TAF3: variants seen among roughly 807,000 people sequenced by gnomAD.
The protein encoded by TAF3 is transcription initiation factor TFIID subunit 3.
Under a neutral mutation model 80.6 loss-of-function variants are expected in TAF3, and 7 were observed. The ratio of observed to expected loss-of-function variants is 0.09; its 90% CI spans 0.05 to 0.16. The LOEUF is 0.16. Ranked by LOEUF, TAF3 falls within the 10% of genes least tolerant of loss-of-function variation. The pLI, the probability that TAF3 is intolerant of heterozygous loss-of-function variation, is 1.00. For missense variants in TAF3, 921 were observed against 1,140.2 expected, an observed-to-expected ratio of 0.81 and a Z score of 2.77; for synonymous variants, 444 against 446.1, an observed-to-expected ratio of 1.00 and a Z score of 0.06.
At chr10:7,834,977 A>G (rs1230752772) in intron 2 of TAF3, among the ~76,000 whole-genome samples, 4 of 152,192 alleles carry the variant, frequency 2.6e-5, no homozygotes, top group African/African-American at 7.2e-5. Context: ...TCATTTCAAG[A>G]TAGAACATTA....
chr10:7,991,177 A>G (rs1209827282), intron 4 of TAF3, among the ~76,000 whole-genome samples: 1 of 152,116 alleles, frequency 6.6e-6, no homozygotes, highest in African/African-American at 2.4e-5. Flanking sequence ...ATACATATAT[A>G]TGTATAGATA....
Position 8,013,633 on chromosome 10 carries a change from A to G in TAF3, c.2569-98A>G, listed in dbSNP as rs904582879. 22 of 895,088 alleles carry G rather than the reference A, an allele frequency of 2.5e-5. No individual in the cohort carries two copies. The Admixed American group carries it at 3.1e-4, about 13-fold the overall frequency. 55.4% of individuals were successfully genotyped at this position (895,088 alleles called of 1,614,324 possible). A position where few individuals can be genotyped will look rare whatever the true frequency, so the allele number is the denominator to read the frequency against. Reference sequence around the variant, plus strand: ...ATTTTTTAGTTTAATATGCCTGTTTATTCGGTTAACAGTATAAAGTAATCA... The same window carrying G: ...ATTTTTTAGTTTAATATGCCTGTTTGTTCGGTTAACAGTATAAAGTAATCA... On this transcript the variant is annotated intron_variant, in intron 5 of 6. Coordinates refer to ENST00000344293, the MANE Select transcript of TAF3 (RefSeq NM_031923.4).
At chr10:7,884,848 T>A (rs931448009) in intron 2 of TAF3, among the ~76,000 whole-genome samples, 5 of 152,342 alleles carry the variant, frequency 3.3e-5, no homozygotes, top group African/African-American at 1.2e-4. Flanking sequence ...TATTTCCATA[T>A]GTATTAAAAG....
intron 2 of TAF3, among the ~76,000 whole-genome samples, chr10:7,826,813 A>G (rs990613011): frequency 6.6e-6 from 1 of 152,262 alleles, no homozygotes; most frequent in African/African-American, 2.4e-5. Context: ...AAATATAACC[A>G]TACAAGACCA....
chr10:7,965,518 A>G lies in TAF3; in HGVS notation c.2008A>G (p.Thr670Ala). The G allele has an allele frequency of 6.2e-7, 1 of 1,603,350 alleles. No individual in the cohort carries two copies. Among genetic ancestry groups the G allele is most frequent in the South Asian group, 1.1e-5 (1 of 87,996 alleles). ...ELALPLFSPA[T>A]ASRVPAMLPS... ...GGCCCTGCCCTTGTTCAGCCCTGCCACAGCCTCCAGGGTCCCAGCCATGCT... is the reference window on the plus strand; with the variant it reads ...GGCCCTGCCCTTGTTCAGCCCTGCCGCAGCCTCCAGGGTCCCAGCCATGCT... The change falls in exon 3 of 7, where the codon ACA (threonine) becomes GCA (alanine). Residue 670 changes from threonine to alanine, a missense_variant. Physicochemically the swap from Thr to Ala is moderately conservative, Grantham distance 58. This residue lies in a region of TAF3 where 743 missense variants were observed against 821.0 expected (regional missense o/e 0.90). Transcript: ENST00000344293.
At chr10:7,868,812 T>C (rs756356239) in intron 2 of TAF3, among the ~76,000 whole-genome samples, 1 of 152,226 alleles carries the variant, frequency 6.6e-6, no homozygotes, top group Admixed American at 6.5e-5. Context: ...GATTTTGTTA[T>C]CTGTTTTACT....
At chr10:7,925,017 A>G (rs930371113) in intron 2 of TAF3, among the ~76,000 whole-genome samples, 2 of 152,206 alleles carry the variant, frequency 1.3e-5, no homozygotes, top group Non-Finnish European at 2.9e-5. Context: ...TAAGGTTCAA[A>G]CTATATAAAT....
intron 2 of TAF3, among the ~76,000 whole-genome samples, chr10:7,904,706 G>C (rs1191451519): frequency 6.6e-6 from 1 of 152,194 alleles, no homozygotes; most frequent in Non-Finnish European, 1.5e-5. Flanking sequence ...CTGGAACTGT[G>C]TAGTGTGCAC....
At chr10:7,921,727 T>A (rs1485503908) in intron 2 of TAF3, among the ~76,000 whole-genome samples, 2 of 152,128 alleles carry the variant, frequency 1.3e-5, no homozygotes, top group African/African-American at 2.4e-5. Context: ...TTGCAAGCAT[T>A]TGCATTTTTA....
intron 2 of TAF3, among the ~76,000 whole-genome samples, chr10:7,921,589 G>A (rs1012252800): frequency 1.2e-4 from 19 of 152,112 alleles, no homozygotes; most frequent in Non-Finnish European, 2.4e-4. Flanking sequence ...AACTTTTGTT[G>A]CACTTACACA....
chr10:7,983,715 T>C (rs145173471), intron 4 of TAF3, among the ~76,000 whole-genome samples: 11 of 152,300 alleles, frequency 7.2e-5, no homozygotes, highest in African/African-American at 2.6e-4. Context: ...GGCGTGCACC[T>C]ATACTCCCAG....
chr10:7,902,851 A>G (rs1167818076), intron 2 of TAF3, among the ~76,000 whole-genome samples: 1 of 152,176 alleles, frequency 6.6e-6, no homozygotes, highest in Non-Finnish European at 1.5e-5. Flanking sequence ...CATTTAAGAA[A>G]AAAAGAATTG....
chr10:7,891,518 C>T (rs887106546), intron 2 of TAF3, among the ~76,000 whole-genome samples: 3 of 152,186 alleles, frequency 2.0e-5, no homozygotes, highest in Non-Finnish European at 4.4e-5. Flanking sequence ...TATGGCATAC[C>T]ACTTACAGCA....
intron 2 of TAF3, among the ~76,000 whole-genome samples, chr10:7,852,054 G>A (rs1837032232): frequency 1.3e-5 from 2 of 151,976 alleles, no homozygotes; most frequent in Admixed American, 1.3e-4. Flanking sequence ...AAAGCACTGG[G>A]ATTATAAGTC....
chr10:7,978,918 G>T (rs1477819564), intron 4 of TAF3, among the ~76,000 whole-genome samples: 1 of 152,248 alleles, frequency 6.6e-6, no homozygotes, highest in African/African-American at 2.4e-5. Flanking sequence ...GGCCATGCCT[G>T]TAGTCCCAGT....
At chr10:7,885,067 G>A (rs1241621017) in intron 2 of TAF3, among the ~76,000 whole-genome samples, 1 of 151,996 alleles carries the variant, frequency 6.6e-6, no homozygotes, top group Non-Finnish European at 1.5e-5. Context: ...TGGAAGGGCT[G>A]AGGGTGGGGA....
intron 2 of TAF3, among the ~76,000 whole-genome samples, chr10:7,907,329 A>G (rs1837616472): frequency 6.6e-6 from 1 of 152,192 alleles, no homozygotes; most frequent in African/African-American, 2.4e-5. Context: ...AGCATTGCCC[A>G]AAGTGTGCTG....
chr10:7,836,834 A>G (rs1206326770), intron 2 of TAF3, among the ~76,000 whole-genome samples: 1 of 152,264 alleles, frequency 6.6e-6, no homozygotes, highest in Admixed American at 6.5e-5. Context: ...TAGACAAAAA[A>G]TTAACACATC....
At chr10:8,012,577 A>C (rs1030321030) in intron 5 of TAF3, among the ~76,000 whole-genome samples, 1 of 152,210 alleles carries the variant, frequency 6.6e-6, no homozygotes, top group East Asian at 1.9e-4. Flanking sequence ...AGGATGTTCC[A>C]CCAGCCTTGG....
Sources: allele counts gnomAD v4.1 joint callset (sites outside exome capture counted in the v4.1 genomes callset), GRCh38; gene constraint gnomAD v4.1.1; regional missense constraint gnomAD v4.1.1; transcripts MANE v1.5; gene names NCBI Gene and HGNC (gene_info 2026-07-23, HGNC 2026-07-21).